The following SLCO6A1 variants were observed in gnomAD, a reference collection of about 807,000 sequenced individuals.
SLCO6A1 encodes the protein cancer/testis antigen 48.
A neutral mutation model predicts 72.7 loss-of-function variants in SLCO6A1; 65 were observed. The ratio of observed to expected loss-of-function variants is 0.89; its 90% confidence interval spans 0.73 to 1.10. The LOEUF (loss-of-function observed/expected upper bound fraction) is 1.10. Ranked by LOEUF, SLCO6A1 falls within the 50% of genes least tolerant of loss-of-function variation. The pLI is 0.00. For missense variants in SLCO6A1, 874 were observed against 872.6 expected, an observed-to-expected ratio of 1.00 and a Z score of -0.02; for synonymous variants, 314 against 298.2, an observed-to-expected ratio of 1.05 and a Z score of -0.55.
chr5:102,388,684 T>C lies in SLCO6A1; in HGVS notation c.2017+4A>G. On this transcript the variant is annotated splice_donor_region_variant and intron_variant, in intron 12 of 13. Transcript: ENST00000506729. ...CTCTAAGTTTTTTAATAAGTATCACTTACATATTCCTACCAATAAGAAAGC... is the reference window on the plus strand; with the variant it reads ...CTCTAAGTTTTTTAATAAGTATCACCTACATATTCCTACCAATAAGAAAGC... The C allele has an allele frequency of 6.5e-7, 1 of 1,550,352 alleles. No homozygotes were observed. Among genetic ancestry groups the C allele is most frequent in the South Asian group, 1.2e-5 (1 of 82,592 alleles).
At chr5:102,389,456 C>CCACA (rs1554065639) in intron 11 of SLCO6A1, among the ~76,000 whole-genome samples, 17 of 81,960 alleles carry the variant, frequency 2.1e-4, no homozygotes, top group Non-Finnish European at 3.9e-4. Context: ...CCCCCCACCC[C>CCACA]CACACACACA....
At chr5:102,410,707 G>T (rs929003121) in intron 9 of SLCO6A1, among the ~76,000 whole-genome samples, 5 of 152,090 alleles carry the variant, frequency 3.3e-5, no homozygotes, top group African/African-American at 1.2e-4. Context: ...GATGGTAATG[G>T]CCCCACAGAT....
intron 1 of SLCO6A1, among the ~76,000 whole-genome samples, chr5:102,486,855 T>C (rs897336556): frequency 1.3e-5 from 2 of 152,124 alleles, no homozygotes; most frequent in African/African-American, 2.4e-5. Context: ...TTTAAACATA[T>C]AGTATTCACA....
At chr5:102,417,753 A>T (rs780066476) in intron 8 of SLCO6A1, among the ~76,000 whole-genome samples, 3 of 152,104 alleles carry the variant, frequency 2.0e-5, no homozygotes, top group Non-Finnish European at 4.4e-5. Context: ...TGACTGAAAG[A>T]CTTCCTTTAA....
At chr5:102,438,483 C>T (rs1749664691) in intron 7 of SLCO6A1, 134 bp downstream of exon 7, 2 of 662,330 alleles carry the variant, frequency 3.0e-6, no homozygotes, top group Non-Finnish European at 4.6e-6. Context: ...GCAAAGTGCT[C>T]ATATTTGTAA....
At chr5:102,475,542 T>C (rs1169097637) in intron 4 of SLCO6A1, among the ~76,000 whole-genome samples, 155 bp downstream of exon 4, 1 of 152,186 alleles carries the variant, frequency 6.6e-6, no homozygotes, top group African/African-American at 2.4e-5. Context: ...GATGTATTTA[T>C]ATGTACAAAT....
rs764746269 is a variant in SLCO6A1, at chr5:102,391,025, C to T, written c.1835G>A (p.Arg612His). The change falls in exon 11 of 14, where the codon CGT (arginine) becomes CAT (histidine). Residue 612 changes from arginine to histidine, a missense_variant. Arg to His is a conservative substitution (Grantham distance 29). Coordinates refer to ENST00000506729, the MANE Select transcript of SLCO6A1 (RefSeq NM_173488.5). ...AMTRVVPDKL[R>H]SLALGVSYVI... is the part of the protein sequence containing the mutation. The stretch of plus-strand genomic sequence containing the variant: ...ATAGCTTACACCCAAGGCCAGAGAA[C>T]GCAGTTTGTCAGGTACAACCCTGAA... 1.4e-5 allele frequency: 22 copies of T among 1,613,488 alleles called. No individual in the cohort carries two copies. Among genetic ancestry groups the T allele is most frequent in the East Asian group, 4.5e-5 (2 of 44,838 alleles).
intron 1 of SLCO6A1, among the ~76,000 whole-genome samples, chr5:102,486,309 C>T (rs1186453082): frequency 1.3e-5 from 2 of 152,050 alleles, no homozygotes; most frequent in Non-Finnish European, 2.9e-5. Flanking sequence ...TAGTTCCTCT[C>T]TTAGTTTTGG....
At position 102,498,948 on chromosome 5, in the gene SLCO6A1, C is replaced by T. The variant is rs149138993; in HGVS notation, c.-104G>A. ...AGCCTGGCGAGGGCGTCGGAGGACTCGGTGGCCACAAGGGGCTCTTGCCGC... is the reference window on the plus strand; with the variant it reads ...AGCCTGGCGAGGGCGTCGGAGGACTTGGTGGCCACAAGGGGCTCTTGCCGC... On this transcript the variant is annotated 5_prime_UTR_variant, in exon 1 of 14. Coordinates refer to ENST00000506729, the MANE Select transcript of SLCO6A1 (RefSeq NM_173488.5). 13,535 of 1,131,744 alleles carry T rather than the reference C, an allele frequency of 0.012. 136 individuals are homozygous for T. The highest frequency in any genetic ancestry group is 0.031 in the South Asian group (2,049 of 67,146). 70.1% of individuals were successfully genotyped at this position (1,131,744 alleles called of 1,614,324 possible).
At chr5:102,465,019 GA>G (rs1751240620) in intron 4 of SLCO6A1, among the ~76,000 whole-genome samples, 1 of 152,036 alleles carries the variant, frequency 6.6e-6, no homozygotes, top group Non-Finnish European at 1.5e-5. Flanking sequence ...TCTTGGGTGA[GA>G]AAATTCTTGA....
At chr5:102,394,814 A>T (rs1048516262) in intron 10 of SLCO6A1, among the ~76,000 whole-genome samples, 6 of 152,150 alleles carry the variant, frequency 3.9e-5, no homozygotes, top group African/African-American at 1.4e-4. Context: ...AAACACTGAA[A>T]GTATAAAAAA....
At chr5:102,405,475 C>A (rs924726724) in intron 9 of SLCO6A1, among the ~76,000 whole-genome samples, 1 of 151,668 alleles carries the variant, frequency 6.6e-6, no homozygotes, top group African/African-American at 2.4e-5. Flanking sequence ...ATTTGAATCA[C>A]CATACATATA....
At chr5:102,377,332 A>T (rs1745855816) in intron 12 of SLCO6A1, among the ~76,000 whole-genome samples, 3 of 152,198 alleles carry the variant, frequency 2.0e-5, no homozygotes, top group African/African-American at 7.2e-5. Context: ...TAGAAAGAAC[A>T]TTAATGAATC....
intron 6 of SLCO6A1, among the ~76,000 whole-genome samples, chr5:102,446,424 C>A (rs541753784): frequency 9.2e-5 from 14 of 152,068 alleles, no homozygotes; most frequent in African/African-American, 2.7e-4. Flanking sequence ...GATTTTGTAC[C>A]CTGAAACTTT....
intron 8 of SLCO6A1, among the ~76,000 whole-genome samples, chr5:102,414,358 A>C (rs1389090096): frequency 6.6e-6 from 1 of 152,314 alleles, no homozygotes; most frequent in Admixed American, 6.5e-5. Flanking sequence ...GTCCTATTCA[A>C]AATAGTACTG....
chr5:102,413,955 T>C (rs1748131673), intron 8 of SLCO6A1, among the ~76,000 whole-genome samples: 1 of 152,174 alleles, frequency 6.6e-6, no homozygotes. Context: ...TTGGATTGCT[T>C]ATTTTTTAAT....
intron 9 of SLCO6A1, among the ~76,000 whole-genome samples, chr5:102,400,906 G>T (rs1028486121): frequency 1.3e-5 from 2 of 151,810 alleles, no homozygotes; most frequent in African/African-American, 4.8e-5. Flanking sequence ...TCTAGGTTTT[G>T]GGAAAACACA....
At chr5:102,395,183 C>G (rs946834677) in intron 10 of SLCO6A1, among the ~76,000 whole-genome samples, 2 of 151,978 alleles carry the variant, frequency 1.3e-5, no homozygotes, top group East Asian at 1.9e-4. Context: ...AATGCTATCC[C>G]TCCCACCTCC....
chr5:102,415,765 C>A (rs544952314), intron 8 of SLCO6A1, among the ~76,000 whole-genome samples: 2 of 152,020 alleles, frequency 1.3e-5, no homozygotes, highest in South Asian at 4.1e-4. Flanking sequence ...ACAGAGTGAA[C>A]AAACAACCTG....
Sources: allele counts gnomAD v4.1 joint callset (sites outside exome capture counted in the v4.1 genomes callset), GRCh38; gene constraint gnomAD v4.1.1; transcripts MANE v1.5; gene names NCBI Gene and HGNC (gene_info 2026-07-23, HGNC 2026-07-21).